Variants in ANKFN1 observed in about 807,000 individuals in gnomAD.
The protein encoded by ANKFN1 is ankyrin repeat and fibronectin type-III domain-containing protein 1.
Under a neutral mutation model 108.7 loss-of-function variants are expected in ANKFN1, and 74 were observed. That is an observed-to-expected ratio of 0.68 (90% CI 0.56 to 0.83). ANKFN1 has a LOEUF of 0.83. Among genes scored for constraint, ANKFN1 ranks in the 40% least tolerant of loss-of-function variants. The probability of loss-of-function intolerance (pLI) is 0.00; values close to 1 mark genes in which losing one functional copy is unlikely to be tolerated. For missense variants in ANKFN1, 1,505 were observed against 1,382.3 expected (o/e 1.09, Z -1.41); for synonymous variants, 547 against 516.2 (o/e 1.06, Z -0.81).
intron 1 of ANKFN1, among the ~76,000 whole-genome samples, chr17:56,195,061 T>C (rs1261466868): frequency 1.3e-5 from 2 of 152,166 alleles, no homozygotes; most frequent in South Asian, 2.1e-4. Flanking sequence ...ATGAGTTGCA[T>C]CTCTTAGCTC....
chr17:56,314,256 A>G (rs1471888724), intron 3 of ANKFN1, among the ~76,000 whole-genome samples: 1 of 152,148 alleles, frequency 6.6e-6, no homozygotes, highest in Non-Finnish European at 1.5e-5. Flanking sequence ...TCTTTCCGTG[A>G]GCATTTATTT....
chr17:56,167,275 A>G (rs538430833), intron 1 of ANKFN1, among the ~76,000 whole-genome samples: 223 of 9,798 alleles, frequency 0.023, no homozygotes, highest in Middle Eastern at 0.083. Context: ...ATATATATAC[A>G]TATATATATA....
chr17:56,365,376 A>C (rs1391917633), intron 6 of ANKFN1, among the ~76,000 whole-genome samples: 3 of 152,340 alleles, frequency 2.0e-5, no homozygotes, highest in Middle Eastern at 3.4e-3. Context: ...TTCTAAAAGT[A>C]TAAGATCAAT....
chr17:56,442,869 G>A lies in ANKFN1; in HGVS notation c.1035G>A (p.Ser345=), dbSNP rs578080896. 8 of 1,613,606 alleles carry A rather than the reference G, an allele frequency of 5.0e-6. No individual in the cohort carries two copies. Among genetic ancestry groups the A allele is most frequent in the Middle Eastern group, 3.3e-4 (2 of 6,056 alleles). ...GCCAACAGTATTTTGTTCAAGTCTC[G>A]GCTTACAATATGAAAGGATGGGGAC... The part of the protein sequence containing the change: ...TMGQQYFVQV[S]AYNMKGWGPA... The change falls in exon 10 of 21, where the codon TCG becomes TCA. Residue 345 remains serine, a synonymous_variant. Transcript: ENST00000682825.
intron 14 of ANKFN1, 110 bp downstream of exon 14, chr17:56,458,089 G>C (rs2049775750): frequency 1.2e-6 from 1 of 859,386 alleles, no homozygotes; most frequent in African/African-American, 1.7e-5. Context: ...TTCTCTTTCA[G>C]ACCCCTAAGA....
At chr17:56,046,864 T>C (rs759335373) in intron 4 of ANKFN1, among the ~76,000 whole-genome samples, 2 of 152,206 alleles carry the variant, frequency 1.3e-5, no homozygotes, top group Non-Finnish European at 2.9e-5. Flanking sequence ...AAGAACACAG[T>C]CTGGGCACGG....
intron 18 of ANKFN1, 35 bp from the exon 19 acceptor site, chr17:56,492,152 C>G: frequency 1.5e-6 from 1 of 686,012 alleles, no homozygotes; most frequent in South Asian, 1.5e-5. Flanking sequence ...GATACCAGAT[C>G]TTAACATGTT....
chr17:56,213,317 C>T (rs554173123), intron 2 of ANKFN1, among the ~76,000 whole-genome samples: 4 of 152,278 alleles, frequency 2.6e-5, no homozygotes, highest in African/African-American at 7.2e-5. Context: ...ACAGGAACCC[C>T]GGTCTCTGTG....
At chr17:56,187,059 G>A (rs1295392008) in intron 1 of ANKFN1, among the ~76,000 whole-genome samples, 1 of 152,084 alleles carries the variant, frequency 6.6e-6, no homozygotes, top group Non-Finnish European at 1.5e-5. Flanking sequence ...CAAAAGCAAT[G>A]GCAACAAAAG....
intron 4 of ANKFN1, among the ~76,000 whole-genome samples, chr17:56,333,489 G>A (rs926885331): frequency 3.3e-5 from 5 of 152,042 alleles, no homozygotes; most frequent in African/African-American, 1.2e-4. Context: ...GTAGATAAAT[G>A]TTATACTAAC....
intron 4 of ANKFN1, among the ~76,000 whole-genome samples, chr17:56,121,226 C>T (rs761646019): frequency 3.3e-5 from 5 of 151,312 alleles, no homozygotes; most frequent in Non-Finnish European, 7.4e-5. Flanking sequence ...TTCTTGGTGT[C>T]GCCCAGGAGT....
chr17:56,135,718 T>G (rs1325642499), intron 4 of ANKFN1, among the ~76,000 whole-genome samples: 3 of 152,186 alleles, frequency 2.0e-5, no homozygotes, highest in Non-Finnish European at 4.4e-5. Flanking sequence ...GTGTTTCTCT[T>G]CCTCTGAAGT....
chr17:56,413,971 T>C (rs537173788), intron 8 of ANKFN1, among the ~76,000 whole-genome samples: 2 of 152,218 alleles, frequency 1.3e-5, no homozygotes, highest in South Asian at 4.1e-4. Context: ...AGCCACTGCA[T>C]CCAGCCATGA....
intron 8 of ANKFN1, among the ~76,000 whole-genome samples, chr17:56,385,007 G>A (rs1440753855): frequency 1.1e-4 from 16 of 151,300 alleles, no homozygotes; most frequent in East Asian, 1.9e-4. Flanking sequence ...AGCCCGCATC[G>A]CCAAGTCAAT....
At chr17:56,499,164 A>C in intron 20 of ANKFN1, 66 bp downstream of exon 20, 1 of 1,433,898 alleles carries the variant, frequency 7.0e-7, no homozygotes, top group Non-Finnish European at 9.4e-7. Flanking sequence ...TTCACTGATG[A>C]GGACTTTTAT....
At chr17:56,457,498 A>G (rs2049749120) in intron 13 of ANKFN1, 109 bp downstream of exon 13, 2 of 1,257,306 alleles carry the variant, frequency 1.6e-6, no homozygotes, top group South Asian at 1.6e-5. Context: ...TTTGGGGTAG[A>G]AATAAAGTAT....
intron 3 of ANKFN1, among the ~76,000 whole-genome samples, chr17:56,317,846 C>G (rs538618303): frequency 6.6e-6 from 1 of 152,312 alleles, no homozygotes; most frequent in East Asian, 1.9e-4. Flanking sequence ...ATTTCTCCAG[C>G]TTGGCAATAT....
At chr17:56,491,548 T>A (rs2051040180) in intron 18 of ANKFN1, among the ~76,000 whole-genome samples, 1 of 152,108 alleles carries the variant, frequency 6.6e-6, no homozygotes, top group Non-Finnish European at 1.5e-5. Flanking sequence ...AATTATCTGT[T>A]GAGAGAAGAA....
intron 3 of ANKFN1, among the ~76,000 whole-genome samples, chr17:56,240,487 A>G (rs988459542): frequency 6.6e-6 from 1 of 152,154 alleles, no homozygotes; most frequent in Admixed American, 6.6e-5. Flanking sequence ...CTATAAAAAA[A>G]TACTGCAATG....
Sources: allele counts gnomAD v4.1 joint callset (sites outside exome capture counted in the v4.1 genomes callset), GRCh38; gene constraint gnomAD v4.1.1; transcripts MANE v1.5; gene names NCBI Gene and HGNC (gene_info 2026-07-23, HGNC 2026-07-21).